Variants in C1QTNF9 observed in about 807,000 individuals in gnomAD.
The protein encoded by C1QTNF9 is complement C1q and tumor necrosis factor-related protein 9A.
C1QTNF9 carries 6 observed loss-of-function variants against 10.1 expected under a neutral mutation model. That is an observed-to-expected ratio of 0.59 (90% CI 0.32 to 1.17). The LOEUF (loss-of-function observed/expected upper bound fraction) is 1.17, where lower values mean the gene tolerates loss of function less well. Among genes scored for constraint, C1QTNF9 ranks in the 50% most tolerant of loss-of-function variants. The probability of loss-of-function intolerance (pLI) is 0.04; values close to 1 mark genes in which losing one functional copy is unlikely to be tolerated. For missense variants in C1QTNF9, 201 were observed against 418.8 expected (o/e 0.48, Z 4.54); for synonymous variants, 98 against 163.5 (o/e 0.60, Z 3.06).
intron 1 of C1QTNF9, among the ~76,000 whole-genome samples, chr13:24,312,125 G>T (rs190860943): frequency 3.3e-5 from 5 of 152,316 alleles, no homozygotes; most frequent in Non-Finnish European, 1.5e-5. Flanking sequence ...CACTGACAAG[G>T]ATCAGAGTTG....
At chr13:24,315,192 A>C (rs982955473) in intron 1 of C1QTNF9, among the ~76,000 whole-genome samples, 5 of 152,122 alleles carry the variant, frequency 3.3e-5, no homozygotes, top group Admixed American at 2.6e-4. Flanking sequence ...CTCTGTACCC[A>C]TCAAACAACT....
upstream of C1QTNF9, among the ~76,000 whole-genome samples, chr13:24,308,523 G>A (rs1877688588): frequency 6.6e-6 from 1 of 152,230 alleles, no homozygotes; most frequent in African/African-American, 2.4e-5. Flanking sequence ...CTGGGACCAC[G>A]GCATTGTCAT....
chr13:24,309,886 A>G (rs1877745165), intron 1 of C1QTNF9, among the ~76,000 whole-genome samples: 1 of 152,034 alleles, frequency 6.6e-6, no homozygotes, highest in African/African-American at 2.4e-5. Context: ...AATAAGTCAT[A>G]AGAATAGTGG....
intron 1 of C1QTNF9, among the ~76,000 whole-genome samples, 177 bp downstream of exon 1, chr13:24,309,793 G>T (rs1877741206): frequency 6.6e-6 from 1 of 152,210 alleles, no homozygotes; most frequent in South Asian, 2.1e-4. Flanking sequence ...TTGAGGAAGA[G>T]GCTAAAGAGG....
Position 24,319,008 on chromosome 13 carries a change from G to A in C1QTNF9, c.229+128G>A, listed in dbSNP as rs565704690. 2.0e-4 allele frequency: 259 copies of A among 1,309,080 alleles called. 2 individuals carry two copies. The South Asian group carries it at 3.2e-3, about 16-fold the overall frequency. The allele number at this position is 1,309,080 out of a possible 1,614,324, so 81.1% of individuals were successfully genotyped here. ...GCAACACAGTTCTTACTCTCCAGACGGGGGGATTCTGCAGGGATTGGCAGG... is the reference window on the plus strand; with the variant it reads ...GCAACACAGTTCTTACTCTCCAGACAGGGGGATTCTGCAGGGATTGGCAGG... On this transcript the variant is annotated intron_variant, in intron 3 of 3. Coordinates refer to ENST00000332018, the Ensembl canonical transcript of C1QTNF9.
At chr13:24,319,516 G>A (rs1199933731) in intron 3 of C1QTNF9, among the ~76,000 whole-genome samples, 1 of 152,264 alleles carries the variant, frequency 6.6e-6, no homozygotes, top group Admixed American at 6.5e-5. Context: ...TCCAGCCTGG[G>A]TAACAGAGTG....
At position 24,313,006 on chromosome 13, in the gene C1QTNF9, G is replaced by A. The variant is rs1378909014; in HGVS notation, c.-22-2976G>A. ...TAGTGCCAACCTAGGTGGTGACCAC[G>A]TCTCTAATCCCAGCTATTCAGAAGG... On this transcript the variant is annotated intron_variant, in intron 1 of 3. Coordinates refer to ENST00000332018, the Ensembl canonical transcript of C1QTNF9. 3.3e-5 allele frequency among the ~76,000 whole-genome samples: 5 copies of A among 150,994 alleles called. No individual in the cohort carries two copies. In the South Asian group the frequency reaches 6.3e-4, roughly 19 times the overall value.
rs189512560 is a variant in C1QTNF9 at position 24,313,812 on chromosome 13, A to G, written c.-22-2170A>G. Among the ~76,000 whole-genome samples the G allele has an allele frequency of 3.3e-5, 5 of 152,354 alleles. No homozygotes were observed. In the East Asian group the frequency reaches 9.6e-4, roughly 29 times the overall value. ...TTCTAAAGCAACCATCTTTATTTGC[A>G]TATATTCACTTTGAGTTTTTGTCAA... On this transcript the variant is annotated intron_variant, in intron 1 of 3. Coordinates refer to ENST00000332018, the Ensembl canonical transcript of C1QTNF9.
At chr13:24,321,248 G>A (rs759224804) in exon 4 of C1QTNF9, 2 of 1,260,734 alleles carry the variant, frequency 1.6e-6, no homozygotes, top group Non-Finnish European at 2.2e-6. Flanking sequence ...GGAAAGCCTG[G>A]TCCCAAAGGA....
chr13:24,319,863 G>A (rs1878181839), intron 3 of C1QTNF9, among the ~76,000 whole-genome samples: 1 of 152,186 alleles, frequency 6.6e-6, no homozygotes. Context: ...ACGCTAGGTA[G>A]TTTTATTACC....
chr13:24,321,003 T>C (rs1222798480), exon 4 of C1QTNF9: 1 of 1,592,606 alleles, frequency 6.3e-7, no homozygotes, highest in South Asian at 1.1e-5. Context: ...TAGGAGCAGA[T>C]GGAAAAGTTG....
upstream of C1QTNF9, among the ~76,000 whole-genome samples, chr13:24,308,738 C>T (rs909329602): frequency 6.6e-6 from 1 of 152,100 alleles, no homozygotes; most frequent in African/African-American, 2.4e-5. Context: ...GCCTCTGCTC[C>T]TGCTCTTTGC....
chr13:24,318,184 G>A (rs1468109843), intron 2 of C1QTNF9, among the ~76,000 whole-genome samples: 3 of 152,122 alleles, frequency 2.0e-5, no homozygotes, highest in Admixed American at 1.3e-4. Flanking sequence ...ATAGCACGCC[G>A]ACCTGGAGCT....
chr13:24,319,258 G>A (rs9580940), intron 3 of C1QTNF9, among the ~76,000 whole-genome samples: 3,149 of 152,224 alleles, frequency 0.021, 104 homozygotes, highest in African/African-American at 0.072. Context: ...GCAAACCATG[G>A]CCGAGCACCA....
intron 3 of C1QTNF9, among the ~76,000 whole-genome samples, chr13:24,319,265 A>G (rs1479025032): frequency 1.3e-5 from 2 of 152,190 alleles, no homozygotes; most frequent in Non-Finnish European, 2.9e-5. Flanking sequence ...ATGGCCGAGC[A>G]CCATGGCCCA....
chr13:24,319,270 G>A (rs551922038), intron 3 of C1QTNF9, among the ~76,000 whole-genome samples: 24 of 152,188 alleles, frequency 1.6e-4, no homozygotes, highest in Admixed American at 4.6e-4. Context: ...CGAGCACCAT[G>A]GCCCACACCT....
chr13:24,308,838 A>G (rs1001275853), upstream of C1QTNF9, among the ~76,000 whole-genome samples: 3 of 152,192 alleles, frequency 2.0e-5, no homozygotes, highest in Admixed American at 2.0e-4. Context: ...GTCCTCTGGA[A>G]GCTACTGTAA....
At chr13:24,320,454 G>T (rs549428807) in intron 3 of C1QTNF9, among the ~76,000 whole-genome samples, 2 of 152,080 alleles carry the variant, frequency 1.3e-5, no homozygotes, top group Non-Finnish European at 2.9e-5. Flanking sequence ...GTTTGATCAC[G>T]GATCACTGCA....
At chr13:24,309,355 A>G (rs1877728613), upstream of C1QTNF9, among the ~76,000 whole-genome samples, 1 of 148,064 alleles carries the variant, frequency 6.8e-6, no homozygotes, top group Non-Finnish European at 1.5e-5. Flanking sequence ...TCCCCTTGAA[A>G]GTATTCCCTC....
Sources: gnomAD v4.1 joint callset for allele counts (sites outside exome capture counted in the v4.1 genomes callset) on GRCh38, gnomAD v4.1.1 for gene constraint, MANE v1.5 for transcripts, NCBI Gene and HGNC (gene_info 2026-07-23, HGNC 2026-07-21) for gene names.